The following ANO1 variants were observed in gnomAD, a reference collection of about 807,000 sequenced individuals.
ANO1 encodes the protein anoctamin-1.
ANO1 carries 59 observed loss-of-function variants against 124.0 expected under a neutral mutation model. The ratio of observed to expected loss-of-function variants is 0.48; its 90% CI spans 0.39 to 0.59. The LOEUF is 0.59. Ranked by LOEUF, ANO1 falls within the 20% of genes least tolerant of loss-of-function variation. ANO1 has a pLI of 0.00. For missense variants in ANO1, 1,059 were observed against 1,328.0 expected, an observed-to-expected ratio of 0.80 and a Z score of 3.15; for synonymous variants, 529 against 532.0, an observed-to-expected ratio of 0.99 and a Z score of 0.08.
At chr11:70,167,443 C>T (rs2048299553) in intron 21 of ANO1, 56 bp downstream of exon 21, 2 of 1,558,818 alleles carry the variant, frequency 1.3e-6, no homozygotes, top group African/African-American at 2.7e-5. Context: ...GCCAGCATGC[C>T]ACCTGGAGTG....
chr11:70,017,268 C>T (rs766421315), intron 1 of ANO1, among the ~76,000 whole-genome samples: 6 of 152,178 alleles, frequency 3.9e-5, no homozygotes, highest in Non-Finnish European at 5.9e-5. Flanking sequence ...CCTACCCCAA[C>T]GGAACTGCAA....
At chr11:70,177,061 G>A (rs556875688) in intron 22 of ANO1, among the ~76,000 whole-genome samples, 6 of 152,282 alleles carry the variant, frequency 3.9e-5, no homozygotes, top group Non-Finnish European at 4.4e-5. Flanking sequence ...CCCCGCTCCC[G>A]GCTCCATCTC....
chr11:70,136,650 G>A (rs1408859152), intron 11 of ANO1, among the ~76,000 whole-genome samples: 3 of 147,184 alleles, frequency 2.0e-5, no homozygotes, highest in African/African-American at 4.9e-5. Context: ...GTGAGGTCAG[G>A]TGCCTGTCGT....
At chr11:70,174,586 C>A (rs1423118836) in intron 22 of ANO1, among the ~76,000 whole-genome samples, 1 of 152,122 alleles carries the variant, frequency 6.6e-6, no homozygotes, top group Non-Finnish European at 1.5e-5. Flanking sequence ...CATGAACTTT[C>A]CTCAGAACCT....
intron 20 of ANO1, 72 bp from the exon 21 acceptor site, chr11:70,167,170 C>G: frequency 6.4e-7 from 1 of 1,557,860 alleles, no homozygotes; most frequent in Non-Finnish European, 8.7e-7. Flanking sequence ...AGACACATCA[C>G]TAGAGGTGCC....
chr11:70,107,403 G>A (rs985223146), intron 5 of ANO1, among the ~76,000 whole-genome samples: 7 of 151,796 alleles, frequency 4.6e-5, no homozygotes, highest in Non-Finnish European at 8.8e-5. Context: ...AGCCAGGGCG[G>A]AGGCCCTGTG....
chr11:70,059,783 G>A (rs986056636), intron 1 of ANO1, among the ~76,000 whole-genome samples: 2 of 152,212 alleles, frequency 1.3e-5, no homozygotes, highest in Admixed American at 1.3e-4. Context: ...AGCTTGTGAG[G>A]CAAGAAGAAT....
intron 1 of ANO1, among the ~76,000 whole-genome samples, chr11:70,002,855 G>C (rs111406134): frequency 0.015 from 2,236 of 152,190 alleles, 46 homozygotes; most frequent in African/African-American, 0.048. Context: ...CCCAAAGTGA[G>C]TTCCAGGCAA....
intron 1 of ANO1, among the ~76,000 whole-genome samples, chr11:69,997,996 G>A (rs1378755644): frequency 6.6e-6 from 1 of 152,026 alleles, no homozygotes; most frequent in East Asian, 1.9e-4. Context: ...GTGCGAGAAT[G>A]GCCTAATACA....
At chr11:70,027,337 A>T (rs1555003336) in intron 1 of ANO1, among the ~76,000 whole-genome samples, 1 of 152,214 alleles carries the variant, frequency 6.6e-6, no homozygotes, top group Non-Finnish European at 1.5e-5. Flanking sequence ...TCTCACACAA[A>T]GCCTATATTA....
intron 1 of ANO1, among the ~76,000 whole-genome samples, chr11:70,037,246 A>G (rs1427337328): frequency 6.6e-6 from 1 of 152,070 alleles, no homozygotes; most frequent in East Asian, 1.9e-4. Context: ...CAGGTGTGAC[A>G]GGGACCTGGG....
chr11:69,966,890 T>C, the ANO1 span, among the ~76,000 whole-genome samples: 1 of 152,130 alleles, frequency 6.6e-6, no homozygotes, highest in African/African-American at 2.4e-5. Context: ...CCTTCTAGGG[T>C]GGCAAACAAC....
intron 1 of ANO1, among the ~76,000 whole-genome samples, chr11:70,058,292 T>C (rs960710633): frequency 6.6e-6 from 1 of 152,206 alleles, no homozygotes; most frequent in Non-Finnish European, 1.5e-5. Flanking sequence ...TTTTGGGCTC[T>C]ATCCTTGAGT....
chr11:70,059,010 C>T (rs534288987), intron 1 of ANO1, among the ~76,000 whole-genome samples: 1 of 151,368 alleles, frequency 6.6e-6, no homozygotes, highest in East Asian at 1.9e-4. Flanking sequence ...GGTGAAACCC[C>T]GTCTCTACTA....
chr11:70,118,297 CA>C (rs1190027538), intron 8 of ANO1, among the ~76,000 whole-genome samples: 2 of 151,894 alleles, frequency 1.3e-5, no homozygotes, highest in Admixed American at 6.6e-5. Flanking sequence ...CTAGCTCATT[CA>C]GTTACTTATT....
chr11:70,182,355 T>G (rs546506026), intron 23 of ANO1, 147 bp from the exon 24 acceptor site: 20 of 587,904 alleles, frequency 3.4e-5, no homozygotes, highest in Non-Finnish European at 5.1e-5. Flanking sequence ...TCACTCAGCA[T>G]GCCGAGGCTG....
intron 6 of ANO1, among the ~76,000 whole-genome samples, chr11:70,110,602 C>T (rs1427160774): frequency 2.0e-5 from 3 of 152,136 alleles, no homozygotes; most frequent in Admixed American, 6.5e-5. Flanking sequence ...AGGTCATTGA[C>T]CACAGAGATG....
intron 1 of ANO1, among the ~76,000 whole-genome samples, chr11:70,010,185 A>ATATATATATATATATATATG (rs1856575448): frequency 2.1e-5 from 1 of 48,128 alleles, no homozygotes; most frequent in Non-Finnish European, 4.8e-5. Context: ...GTGTGTATAT[A>ATATATATATATATATATATG]TATATATATA....
intron 1 of ANO1, among the ~76,000 whole-genome samples, chr11:70,067,702 T>C (rs1555008806): frequency 6.6e-6 from 1 of 152,170 alleles, no homozygotes; most frequent in African/African-American, 2.4e-5. Context: ...ACCCGGTGGA[T>C]GCACAGGCAG....
Sources: gnomAD v4.1 joint callset for allele counts (sites outside exome capture counted in the v4.1 genomes callset) on GRCh38, gnomAD v4.1.1 for gene constraint, MANE v1.5 for transcripts, NCBI Gene and HGNC (gene_info 2026-07-23, HGNC 2026-07-21) for gene names.